Variants in MYRFL observed in about 807,000 individuals in gnomAD.
The protein encoded by MYRFL is myelin regulatory factor-like protein.
Under a neutral mutation model 109.4 loss-of-function variants are expected in MYRFL, and 88 were observed. The observed-to-expected ratio is 0.80, with a 90% CI of 0.68 to 0.96. MYRFL has a LOEUF of 0.96. MYRFL is among the 40% of genes least tolerant of loss of function. The probability of loss-of-function intolerance (pLI) is 0.00; values close to 1 mark genes in which losing one functional copy is unlikely to be tolerated. For synonymous variants in MYRFL, 324 were observed against 320.9 expected (o/e 1.01, Z -0.10); for missense variants, 957 against 954.9 (o/e 1.00, Z -0.03).
At chr12:69,926,466 C>A in intron 13 of MYRFL, 105 bp from the exon 14 acceptor site, 1 of 954,458 alleles carries the variant, frequency 1.0e-6, no homozygotes, top group Non-Finnish European at 1.4e-6. Context: ...GTGTCTGTAA[C>A]CATTTTCAAC....
At chr12:69,865,499 C>A (rs891318339) in intron 2 of MYRFL, among the ~76,000 whole-genome samples, 1 of 151,938 alleles carries the variant, frequency 6.6e-6, no homozygotes, top group South Asian at 2.1e-4. Context: ...TATCTATGAA[C>A]CATCTTGGGG....
At chr12:69,880,516 T>G (rs1227651787) in intron 5 of MYRFL, among the ~76,000 whole-genome samples, 1 of 152,132 alleles carries the variant, frequency 6.6e-6, no homozygotes, top group Non-Finnish European at 1.5e-5. Flanking sequence ...CAGGTGTGGG[T>G]GAAGTGCCAA....
chr12:69,936,078 GTTTTTTTTT>G (rs71098067), intron 16 of MYRFL, 26 bp from the exon 17 acceptor site: 541 of 893,602 alleles, frequency 6.1e-4, no homozygotes, highest in Non-Finnish European at 6.7e-4. Flanking sequence ...GCCACATAAT[GTTTTTTTTT>G]TTTTTTTTTT....
At chr12:69,838,513 G>T (rs1332395606) in intron 1 of MYRFL, among the ~76,000 whole-genome samples, 1 of 152,148 alleles carries the variant, frequency 6.6e-6, no homozygotes, top group African/African-American at 2.4e-5. Flanking sequence ...TCATTTAAAA[G>T]AAATTGTCAG....
Position 69,825,474 on chromosome 12 carries a change from A to G in MYRFL, c.-44A>G. On this transcript the variant is annotated 5_prime_UTR_variant, in exon 1 of 25. Transcript: ENST00000552032. ...GACAGTACTTATTTCCTGAGGTCTG[A>G]TAACCGTTGTTTTATGAGGAAATAG... 1.4e-6 allele frequency: 1 copy of G among 698,662 alleles called. No homozygotes were observed. Among genetic ancestry groups the G allele is most frequent in the Admixed American group, 2.0e-5 (1 of 49,216 alleles). 43.3% of individuals were successfully genotyped at this position (698,662 alleles called of 1,614,324 possible).
chr12:69,841,552 G>A (rs1049572677), intron 1 of MYRFL, among the ~76,000 whole-genome samples: 6 of 152,178 alleles, frequency 3.9e-5, no homozygotes, highest in African/African-American at 1.4e-4. Flanking sequence ...GCACAAGCTT[G>A]TACAACCTGG....
intron 2 of MYRFL, among the ~76,000 whole-genome samples, chr12:69,860,398 C>G (rs865861894): frequency 6.6e-6 from 1 of 152,058 alleles, no homozygotes; most frequent in East Asian, 1.9e-4. Context: ...TGAATAGTTT[C>G]GGCTCTCTTT....
At chr12:69,924,565 G>A (rs1955013081) in intron 13 of MYRFL, among the ~76,000 whole-genome samples, 1 of 151,942 alleles carries the variant, frequency 6.6e-6, no homozygotes, top group African/African-American at 2.4e-5. Context: ...TTTTCTCCAG[G>A]AGATCTGTGG....
At chr12:69,937,306 TAATA>T (rs962371738) in intron 19 of MYRFL, among the ~76,000 whole-genome samples, 21 of 152,134 alleles carry the variant, frequency 1.4e-4, no homozygotes, top group African/African-American at 3.9e-4. Flanking sequence ...ATATACATAT[TAATA>T]AATAGTAATA....
intron 11 of MYRFL, 93 bp downstream of exon 11, chr12:69,903,937 T>C: frequency 8.9e-7 from 1 of 1,126,044 alleles, no homozygotes; most frequent in Non-Finnish European, 1.2e-6. Flanking sequence ...GAACCGCACA[T>C]CTTTACATGT....
At chr12:69,941,113 T>C (rs1319845384) in intron 19 of MYRFL, among the ~76,000 whole-genome samples, 2 of 21,826 alleles carry the variant, frequency 9.2e-5, no homozygotes, top group Non-Finnish European at 8.7e-5. Context: ...CTGTCAACAT[T>C]AGACAGATCA....
At chr12:69,869,875 A>T (rs909268363) in intron 2 of MYRFL, among the ~76,000 whole-genome samples, 3 of 152,186 alleles carry the variant, frequency 2.0e-5, no homozygotes, top group Non-Finnish European at 2.9e-5. Flanking sequence ...GGCTGCATTG[A>T]GGGCAGCATA....
In MYRFL at chr12:69,933,655, C is replaced by A. The variant is rs369544949; in HGVS notation, c.1916+1057C>A. ...CCCACTGTAGGGAGATAATTTGACA[C>A]GACTACCTAGAATTCCCATTAGAAA... On this transcript the variant is annotated intron_variant, in intron 16 of 24. Coordinates refer to ENST00000552032, the MANE Select transcript of MYRFL (RefSeq NM_182530.3). Among the ~76,000 whole-genome samples the A allele has an allele frequency of 3.3e-5, 5 of 152,230 alleles. No individual in the cohort carries two copies. In the South Asian group the frequency reaches 8.3e-4, roughly 25 times the overall value.
chr12:69,849,850 G>A (rs1166125562), intron 1 of MYRFL, among the ~76,000 whole-genome samples: 4 of 152,166 alleles, frequency 2.6e-5, no homozygotes, highest in Non-Finnish European at 5.9e-5. Context: ...AATCTAACCA[G>A]TGTTAATGGT....
chr12:69,873,860 C>T (rs1292462319), intron 2 of MYRFL, among the ~76,000 whole-genome samples: 1 of 150,458 alleles, frequency 6.6e-6, no homozygotes, highest in East Asian at 1.9e-4. Context: ...TTTTTGGCCC[C>T]TTCTGTTTCT....
At chr12:69,953,733 T>A (rs972500956) in intron 21 of MYRFL, among the ~76,000 whole-genome samples, 2 of 151,222 alleles carry the variant, frequency 1.3e-5, no homozygotes, top group African/African-American at 4.9e-5. Flanking sequence ...TGCACCACTG[T>A]ACTCCAGCCT....
At chr12:69,872,209 C>G (rs563708327) in intron 2 of MYRFL, among the ~76,000 whole-genome samples, 1 of 152,282 alleles carries the variant, frequency 6.6e-6, no homozygotes, top group East Asian at 1.9e-4. Flanking sequence ...ACTGCTTCAC[C>G]CTTCTTGTAC....
At chr12:69,929,019 C>A (rs1428276544) in intron 15 of MYRFL, among the ~76,000 whole-genome samples, 1 of 152,118 alleles carries the variant, frequency 6.6e-6, no homozygotes, top group African/African-American at 2.4e-5. Context: ...TGAGAGCAGG[C>A]CCTGTGTCTG....
At chr12:69,830,763 C>T (rs1018167946) in intron 1 of MYRFL, among the ~76,000 whole-genome samples, 5 of 151,972 alleles carry the variant, frequency 3.3e-5, no homozygotes, top group African/African-American at 4.8e-5. Flanking sequence ...TGAAGTGTGC[C>T]GTAAGGAGAT....
Sources: allele counts gnomAD v4.1 joint callset (sites outside exome capture counted in the v4.1 genomes callset), GRCh38; gene constraint gnomAD v4.1.1; transcripts MANE v1.5; gene names NCBI Gene and HGNC (gene_info 2026-07-23, HGNC 2026-07-21).